The following PSD3 variants were observed in gnomAD, a reference collection of about 807,000 sequenced individuals.
PSD3 encodes PH and SEC7 domain-containing protein 3.
Under a neutral mutation model 105.5 loss-of-function variants are expected in PSD3, and 49 were observed. The observed-to-expected ratio is 0.46, with a 90% CI of 0.37 to 0.59. The LOEUF (loss-of-function observed/expected upper bound fraction) is 0.59. Among genes scored for constraint, PSD3 ranks in the 20% least tolerant of loss-of-function variants. The pLI, the probability that PSD3 is intolerant of heterozygous loss-of-function variation, is 0.00. For missense variants in PSD3, 1,561 were observed against 1,263.8 expected (o/e 1.24, Z -3.57); for synonymous variants, 557 against 457.8 (o/e 1.22, Z -2.77).
chr8:18,884,147 A>C (rs961778181), intron 2 of PSD3, among the ~76,000 whole-genome samples: 1 of 152,158 alleles, frequency 6.6e-6, no homozygotes, highest in African/African-American at 2.4e-5. Flanking sequence ...AATCTGTAAG[A>C]TTGGAAGATA....
intron 12 of PSD3, among the ~76,000 whole-genome samples, chr8:18,582,796 C>T (rs1802900447): frequency 6.6e-6 from 1 of 150,982 alleles, no homozygotes; most frequent in African/African-American, 2.4e-5. Flanking sequence ...AGTCATTCTC[C>T]AACCTGCAGC....
intron 4 of PSD3, among the ~76,000 whole-genome samples, chr8:18,841,657 G>A (rs1367009831): frequency 1.3e-5 from 2 of 152,068 alleles, no homozygotes; most frequent in Admixed American, 1.3e-4. Context: ...GTCATGCCTA[G>A]GCGACTCAAG....
chr8:18,659,208 C>G (rs1563150589), intron 9 of PSD3, among the ~76,000 whole-genome samples: 1 of 152,176 alleles, frequency 6.6e-6, no homozygotes, highest in Non-Finnish European at 1.5e-5. Context: ...TTGTATGTGA[C>G]TAATTCAGCA....
At chr8:18,630,807 T>G (rs1447877627) in intron 11 of PSD3, among the ~76,000 whole-genome samples, 1 of 151,962 alleles carries the variant, frequency 6.6e-6, no homozygotes, top group African/African-American at 2.4e-5. Context: ...TGTACAGACT[T>G]TTTTCCTTGT....
rs772610314 is a variant in PSD3, at chr8:18,753,886, G to C, written c.2172+11563C>G. ...GCAGCCATTCTGAGAGGCTACTGAC[G>C]ACACAGATTTGACTGCCTCTCTTCA... On this transcript the variant is annotated intron_variant, in intron 9 of 15. Coordinates refer to ENST00000327040, the MANE Select transcript of PSD3 (RefSeq NM_015310.4). 2.8e-4 allele frequency among the ~76,000 whole-genome samples: 42 copies of C among 152,086 alleles called. 1 individual carries two copies. Among genetic ancestry groups the C allele is most frequent in the African/African-American group, 1.0e-3 (42 of 41,406 alleles).
At chr8:18,590,682 T>C (rs1803534031) in intron 12 of PSD3, among the ~76,000 whole-genome samples, 1 of 151,982 alleles carries the variant, frequency 6.6e-6, no homozygotes, top group Admixed American at 6.6e-5. Flanking sequence ...ATTTTATAAA[T>C]GAAAAACTAA....
At chr8:19,079,576 T>C (rs767089239) in intron 1 of PSD3, among the ~76,000 whole-genome samples, 9 of 152,244 alleles carry the variant, frequency 5.9e-5, no homozygotes, top group African/African-American at 9.6e-5. Flanking sequence ...TGTTTACCTT[T>C]AATGAGGTAA....
rs73666687 is a variant in PSD3 at position 18,660,195 on chromosome 8, G to A, written c.2173-4510C>T. Among the ~76,000 whole-genome samples the A allele has an allele frequency of 2.9e-3, 444 of 152,224 alleles. 1 individual carries two copies. Among genetic ancestry groups the A allele is most frequent in the African/African-American group, 9.8e-3 (406 of 41,538 alleles). On this transcript the variant is annotated intron_variant, in intron 9 of 15. Transcript: ENST00000327040. ...ACAAGTGTCTTTATAGAAGGCAGACGGAGATTTAAGAAAGAAAAGAAGGCA... is the reference window on the plus strand; with the variant it reads ...ACAAGTGTCTTTATAGAAGGCAGACAGAGATTTAAGAAAGAAAAGAAGGCA...
intron 9 of PSD3, among the ~76,000 whole-genome samples, chr8:18,704,108 C>T (rs1447674837): frequency 1.3e-5 from 2 of 152,184 alleles, no homozygotes; most frequent in African/African-American, 2.4e-5. Flanking sequence ...AAAACAGATA[C>T]ATTTCTTTCC....
intron 11 of PSD3, among the ~76,000 whole-genome samples, chr8:18,610,640 A>G (rs1805195187): frequency 6.6e-6 from 1 of 152,188 alleles, no homozygotes; most frequent in African/African-American, 2.4e-5. Context: ...CTTTTCCCAG[A>G]AAATTATTTC....
chr8:18,841,467 A>AACACACACACACACACAC (rs35771611), intron 4 of PSD3, among the ~76,000 whole-genome samples: 12 of 148,242 alleles, frequency 8.1e-5, no homozygotes, highest in African/African-American at 2.2e-4. Flanking sequence ...CTGCTATTTA[A>AACACACACACACACACAC]ACACACACAC....
chr8:18,946,871 C>A (rs942563635), intron 1 of PSD3, among the ~76,000 whole-genome samples: 9 of 151,178 alleles, frequency 6.0e-5, no homozygotes, highest in Non-Finnish European at 8.8e-5. Flanking sequence ...TGCCACTGCA[C>A]TCCAGCCTGC....
chr8:18,807,985 G>C (rs913416299), intron 4 of PSD3, among the ~76,000 whole-genome samples: 2 of 152,108 alleles, frequency 1.3e-5, no homozygotes, highest in Non-Finnish European at 2.9e-5. Flanking sequence ...CTACCATTCA[G>C]TTTTGTGAAA....
At chr8:18,618,837 T>C (rs1028388637) in intron 11 of PSD3, among the ~76,000 whole-genome samples, 3 of 152,164 alleles carry the variant, frequency 2.0e-5, no homozygotes, top group African/African-American at 4.8e-5. Flanking sequence ...TATGCTACCA[T>C]GTTTGGCTAA....
chr8:18,720,076 C>T (rs1303409787), intron 9 of PSD3, among the ~76,000 whole-genome samples: 2 of 152,098 alleles, frequency 1.3e-5, no homozygotes, highest in South Asian at 2.1e-4. Flanking sequence ...CCCATTCTGA[C>T]CCAACTCATT....
intron 4 of PSD3, among the ~76,000 whole-genome samples, chr8:18,821,433 T>C (rs77379628): frequency 6.6e-6 from 1 of 152,084 alleles, no homozygotes; most frequent in African/African-American, 2.4e-5. Context: ...CTTGAGATTA[T>C]AGGTAACTAT....
chr8:18,917,345 G>A (rs1387625601), intron 2 of PSD3, among the ~76,000 whole-genome samples: 1 of 152,144 alleles, frequency 6.6e-6, no homozygotes, highest in African/African-American at 2.4e-5. Flanking sequence ...CACGGCCGCT[G>A]AATAAATACT....
chr8:18,963,618 C>A (rs1340522929), intron 1 of PSD3, among the ~76,000 whole-genome samples: 3 of 152,092 alleles, frequency 2.0e-5, no homozygotes, highest in African/African-American at 7.2e-5. Flanking sequence ...TTACATTTGT[C>A]TTGCACAAGA....
chr8:18,803,170 C>A, intron 6 of PSD3: 1 of 240,984 alleles, frequency 4.1e-6, no homozygotes. Flanking sequence ...ACCTGTAGTC[C>A]CAGTTATTCG....
Sources: allele counts gnomAD v4.1 joint callset (sites outside exome capture counted in the v4.1 genomes callset), GRCh38; gene constraint gnomAD v4.1.1; transcripts MANE v1.5; gene names NCBI Gene and HGNC (gene_info 2026-07-23, HGNC 2026-07-21).